CDKN3: variants seen among roughly 807,000 people sequenced by gnomAD.
The protein encoded by CDKN3 is cyclin-dependent kinase inhibitor 3.
CDKN3 carries 19 observed loss-of-function variants against 36.1 expected under a neutral mutation model. That is an observed-to-expected ratio of 0.53 (90% CI 0.37 to 0.77). The LOEUF is 0.77. CDKN3 is among the 30% of genes least tolerant of loss of function. The pLI is 0.00. For synonymous variants in CDKN3, 71 were observed against 85.3 expected, an observed-to-expected ratio of 0.83 and a Z score of 0.92; for missense variants, 188 against 248.6, an observed-to-expected ratio of 0.76 and a Z score of 1.64.
intron 2 of CDKN3, among the ~76,000 whole-genome samples, chr14:54,400,499 A>G (rs1366279292): frequency 6.6e-6 from 1 of 152,196 alleles, no homozygotes; most frequent in African/African-American, 2.4e-5. Flanking sequence ...CATCAATGCA[A>G]TAACAAAAAG....
At chr14:54,404,480 G>T (rs2030076369) in intron 3 of CDKN3, among the ~76,000 whole-genome samples, 1 of 151,452 alleles carries the variant, frequency 6.6e-6, no homozygotes, top group South Asian at 2.1e-4. Flanking sequence ...TATCTATTTT[G>T]TTAATCATTT....
chr14:54,399,856 A>T (rs1276539400), intron 1 of CDKN3, 38 bp from the exon 2 acceptor site: 4 of 1,082,080 alleles, frequency 3.7e-6, no homozygotes, highest in Admixed American at 3.5e-5. Flanking sequence ...CTACAAAAAA[A>T]TTCTTTACAG....
intron 5 of CDKN3, among the ~76,000 whole-genome samples, 172 bp from the exon 6 acceptor site, chr14:54,415,727 A>G (rs2030514331): frequency 6.6e-6 from 1 of 152,214 alleles, no homozygotes; most frequent in African/African-American, 2.4e-5. Flanking sequence ...CAACAAAGAA[A>G]TAAGCACACC....
At chr14:54,398,184 G>T (rs1387202723) in intron 1 of CDKN3, among the ~76,000 whole-genome samples, 1 of 152,192 alleles carries the variant, frequency 6.6e-6, no homozygotes, top group East Asian at 1.9e-4. Flanking sequence ...GCCGTCCTGT[G>T]ATCTTCTAGT....
intron 3 of CDKN3, among the ~76,000 whole-genome samples, chr14:54,404,384 A>C (rs1308010249): frequency 6.6e-6 from 1 of 151,880 alleles, no homozygotes; most frequent in Non-Finnish European, 1.5e-5. Flanking sequence ...TTTCTGTGGG[A>C]TCAGTGGTGA....
At position 54,406,333 on chromosome 14, in the gene CDKN3, C is replaced by T. The variant is rs968329092; in HGVS notation, c.149-2412C>T. ...TTATGTGTGTTGGGGTTGCTCTTCTCGTGGAGTATCTTTGTGGTGTTCTCT... is the reference window on the plus strand; with the variant it reads ...TTATGTGTGTTGGGGTTGCTCTTCTTGTGGAGTATCTTTGTGGTGTTCTCT... On this transcript the variant is annotated intron_variant, in intron 3 of 7. Transcript: ENST00000335183. Among the ~76,000 whole-genome samples the T allele has an allele frequency of 5.3e-5, 8 of 152,176 alleles. 1 individual carries two copies. The highest frequency in any genetic ancestry group is 3.9e-4 in the Admixed American group (6 of 15,288).
At chr14:54,415,077 C>A (rs546633389) in intron 5 of CDKN3, among the ~76,000 whole-genome samples, 3 of 151,700 alleles carry the variant, frequency 2.0e-5, no homozygotes, top group Non-Finnish European at 4.4e-5. Flanking sequence ...CTCAGTATAC[C>A]CTCTAAGTAC....
chr14:54,407,656 A>C (rs2030207244), intron 3 of CDKN3, among the ~76,000 whole-genome samples: 1 of 152,136 alleles, frequency 6.6e-6, no homozygotes, highest in East Asian at 1.9e-4. Flanking sequence ...TGAGGGGAAA[A>C]CTGCCCACTC....
chr14:54,397,153 C>G (rs534649067), intron 1 of CDKN3, 76 bp downstream of exon 1: 106 of 1,388,206 alleles, frequency 7.6e-5, no homozygotes, highest in Admixed American at 4.7e-4. Context: ...GATCCTGGGC[C>G]GGAGGGCAGC....
chr14:54,411,307 G>A, intron 4 of CDKN3, 177 bp from the exon 5 acceptor site: 1 of 564,984 alleles, frequency 1.8e-6, no homozygotes, highest in East Asian at 2.9e-5. Context: ...TGTAATATGA[G>A]GTTTAATTCT....
chr14:54,398,297 C>T (rs1483068610), intron 1 of CDKN3, among the ~76,000 whole-genome samples: 1 of 152,224 alleles, frequency 6.6e-6, no homozygotes, highest in Non-Finnish European at 1.5e-5. Flanking sequence ...AGCTGTCCTT[C>T]ACTCCTGGCC....
intron 3 of CDKN3, among the ~76,000 whole-genome samples, chr14:54,402,416 T>C (rs2029990601): frequency 6.6e-6 from 1 of 152,054 alleles, no homozygotes; most frequent in African/African-American, 2.4e-5. Flanking sequence ...TTCTTGTAAA[T>C]TTGTTTAAGT....
chr14:54,408,874 T>C, intron 4 of CDKN3, 85 bp downstream of exon 4: 2 of 432,718 alleles, frequency 4.6e-6, no homozygotes, highest in Admixed American at 7.4e-5. Context: ...AACAAATCAG[T>C]TTTTTTTTAA....
chr14:54,417,768 G>T, intron 6 of CDKN3, 80 bp from the exon 7 acceptor site: 1 of 711,786 alleles, frequency 1.4e-6, no homozygotes, highest in South Asian at 1.9e-5. Flanking sequence ...TGTATCAACA[G>T]AAGTCTTATT....
intron 4 of CDKN3, among the ~76,000 whole-genome samples, chr14:54,411,016 TAAA>T (rs2030331838): frequency 6.6e-6 from 1 of 151,832 alleles, no homozygotes; most frequent in Admixed American, 6.6e-5. Flanking sequence ...CCGTCTCTAC[TAAA>T]AATACAAAAT....
chr14:54,404,586 T>C (rs530403098), intron 3 of CDKN3, among the ~76,000 whole-genome samples: 1 of 152,222 alleles, frequency 6.6e-6, no homozygotes, highest in Admixed American at 6.5e-5. Flanking sequence ...GTTCTTTTTT[T>C]TTTCTTGAGA....
At chr14:54,418,302 A>G in intron 7 of CDKN3, 1 of 700,932 alleles carries the variant, frequency 1.4e-6, no homozygotes. Context: ...GTTAATACAA[A>G]CTTGGTACGT....
At chr14:54,417,984 G>T in intron 7 of CDKN3, 33 bp downstream of exon 7, 1 of 1,220,400 alleles carries the variant, frequency 8.2e-7, no homozygotes, top group Non-Finnish European at 1.2e-6. Flanking sequence ...CTTGGTTGTG[G>T]TTGGGGTCGT....
intron 2 of CDKN3, 26 bp downstream of exon 2, chr14:54,400,002 T>G (rs1204017967): frequency 3.9e-6 from 4 of 1,023,862 alleles, no homozygotes; most frequent in Non-Finnish European, 6.2e-6. Context: ...TGATCAATGA[T>G]GAGCTAAAAT....
Sources: allele counts gnomAD v4.1 joint callset (sites outside exome capture counted in the v4.1 genomes callset), GRCh38; gene constraint gnomAD v4.1.1; transcripts MANE v1.5; gene names NCBI Gene and HGNC (gene_info 2026-07-23, HGNC 2026-07-21).